Variants in MANBA observed in about 807,000 individuals in gnomAD.
MANBA encodes beta-mannosidase.
MANBA carries 83 observed loss-of-function variants against 111.1 expected under a neutral mutation model. The observed-to-expected ratio is 0.75, with a 90% CI of 0.63 to 0.90. The LOEUF is 0.90. Among genes scored for constraint, MANBA ranks in the 40% least tolerant of loss-of-function variants. The pLI is 0.00. For missense variants in MANBA, 1,036 were observed against 1,069.0 expected, an observed-to-expected ratio of 0.97 and a Z score of 0.43; for synonymous variants, 370 against 378.7, an observed-to-expected ratio of 0.98 and a Z score of 0.27.
intron 4 of MANBA, among the ~76,000 whole-genome samples, chr4:102,721,475 T>G (rs1316297400): frequency 6.6e-6 from 1 of 152,204 alleles, no homozygotes; most frequent in Non-Finnish European, 1.5e-5. Context: ...TACACCCATG[T>G]TCATAGCAGC....
Position 102,743,483 on chromosome 4 carries a change from T to C in MANBA, c.178-16800A>G, listed in dbSNP as rs78377789. Among the ~76,000 whole-genome samples the C allele has an allele frequency of 8.5e-3, 1,291 of 152,268 alleles. 23 individuals carry two copies. Among genetic ancestry groups the C allele is most frequent in the African/African-American group, 0.029 (1,223 of 41,550 alleles). ...CCTGCATATCGTGCAGAACCATCTATAAACCAGGCCCTAGTCTTCTCTTCC... is the reference window on the plus strand; with the variant it reads ...CCTGCATATCGTGCAGAACCATCTACAAACCAGGCCCTAGTCTTCTCTTCC... On this transcript the variant is annotated intron_variant, in intron 1 of 16. Transcript: ENST00000647097.
intron 1 of MANBA, among the ~76,000 whole-genome samples, chr4:102,732,430 C>T (rs1218770385): frequency 6.6e-6 from 1 of 152,210 alleles, no homozygotes; most frequent in Non-Finnish European, 1.5e-5. Flanking sequence ...GTCTAAGTTC[C>T]ACACAGGTAA....
Position 102,641,841 on chromosome 4 carries a change from A to G in MANBA, c.1870-1984T>C, listed in dbSNP as rs61638698. Among the ~76,000 whole-genome samples, 370 of 151,952 alleles carry G rather than the reference A, an allele frequency of 2.4e-3. 1 individual carries two copies. The highest frequency in any genetic ancestry group is 7.0e-3 in the African/African-American group (290 of 41,404). On this transcript the variant is annotated intron_variant, in intron 13 of 16. Coordinates refer to ENST00000647097, the MANE Select transcript of MANBA (RefSeq NM_005908.4). ...CAAAATTTGAAAAAATTTTAAATGC[A>G]AGTAGGATTCCTAACCCTCACTAGC...
chr4:102,734,434 T>C, intron 1 of MANBA: 6 of 1,608,100 alleles, frequency 3.7e-6, no homozygotes, highest in Non-Finnish European at 5.1e-6. Context: ...TGGTACGGAC[T>C]CTTCCTGGGA....
chr4:102,732,635 G>A (rs940740226), intron 1 of MANBA, among the ~76,000 whole-genome samples: 1 of 152,224 alleles, frequency 6.6e-6, no homozygotes, highest in South Asian at 2.1e-4. Flanking sequence ...AAAACAACAC[G>A]TAATCACCAA....
At chr4:102,658,044 A>G in intron 11 of MANBA, 144 bp from the exon 12 acceptor site, 1 of 687,654 alleles carries the variant, frequency 1.5e-6, no homozygotes, top group Non-Finnish European at 2.6e-6. Flanking sequence ...CTTCTTCCCT[A>G]TTCAACAACC....
chr4:102,655,510 T>C (rs953231447), intron 12 of MANBA, among the ~76,000 whole-genome samples: 1 of 152,210 alleles, frequency 6.6e-6, no homozygotes, highest in Admixed American at 6.5e-5. Context: ...CTAACTTTTA[T>C]GGTCAATTGA....
At chr4:102,668,655 G>C in intron 10 of MANBA, 1 of 350,222 alleles carries the variant, frequency 2.9e-6, no homozygotes, top group South Asian at 2.6e-5. Context: ...TATAAGTTTA[G>C]TTTGTACATG....
intron 5 of MANBA, among the ~76,000 whole-genome samples, chr4:102,692,367 T>C (rs1259928385): frequency 6.6e-6 from 1 of 152,168 alleles, no homozygotes; most frequent in Non-Finnish European, 1.5e-5. Flanking sequence ...TTTGGGGTTG[T>C]CAGAATGTTT....
At chr4:102,678,125 C>T (rs1731805231) in intron 7 of MANBA, among the ~76,000 whole-genome samples, 2 of 152,170 alleles carry the variant, frequency 1.3e-5, no homozygotes, top group Non-Finnish European at 2.9e-5. Flanking sequence ...AACTATACAA[C>T]ATAACACTTT....
rs71596357 is a variant in MANBA at position 102,653,220 on chromosome 4, G to GCA, written c.1705-2521_1705-2520dup. ...CACACGCGCATATGCAGATCTACAT[G>GCA]CACACACACACACACACACACACAC... On this transcript the variant is annotated intron_variant, in intron 12 of 16. Coordinates refer to ENST00000647097, the MANE Select transcript of MANBA (RefSeq NM_005908.4). 6.4e-3 allele frequency among the ~76,000 whole-genome samples: 929 copies of GCA among 145,556 alleles called. 9 individuals carry two copies. Among genetic ancestry groups the GCA allele is most frequent in the East Asian group, 0.013 (65 of 4,914 alleles).
At chr4:102,746,106 G>C (rs1000175796) in intron 1 of MANBA, among the ~76,000 whole-genome samples, 2 of 152,130 alleles carry the variant, frequency 1.3e-5, no homozygotes, top group African/African-American at 4.8e-5. Context: ...TGTTGGGGAG[G>C]GGATGTTGCC....
chr4:102,632,197 T>C lies in MANBA; in HGVS notation c.2500A>G (p.Ser834Gly), dbSNP rs368621281. Residue 834 changes from serine to glycine, a missense_variant, in exon 17 of 17, where the codon AGC becomes GGC. By Grantham distance (56) the Ser-to-Gly change is moderately conservative. Coordinates refer to ENST00000647097, the MANE Select transcript of MANBA (RefSeq NM_005908.4). ...VAPFVWLDVG[S>G]IPGRFSDNGF... ...TTGTCACTAAATCTCCCTGGGATGC[T>C]TCCTACATCCAACCAAACAAAGGGA... The C allele has an allele frequency of 1.2e-6, 2 of 1,613,288 alleles. No individual in the cohort carries two copies. Among genetic ancestry groups the C allele is most frequent in the African/African-American group, 1.3e-5 (1 of 74,914 alleles).
Position 102,689,568 on chromosome 4 carries a change from A to T in MANBA, c.960+6T>A, listed in dbSNP as rs1732382891. 3 of 1,479,166 alleles carry T rather than the reference A, an allele frequency of 2.0e-6. No homozygotes were observed. Among genetic ancestry groups the T allele is most frequent in the Non-Finnish European group, 2.8e-6 (3 of 1,061,518 alleles). The allele number at this position is 1,479,166 out of a possible 1,614,324, so 91.6% of individuals were successfully genotyped here. A position where few individuals can be genotyped will look rare whatever the true frequency, so the allele number is the denominator to read the frequency against. On this transcript the variant is annotated splice_donor_region_variant and intron_variant, in intron 7 of 16. Transcript: ENST00000647097. ...TTTCACAAAATATTTTAAATTACTT[A>T]CTTACCTTAGCTGATTTTTCAATAT... is the stretch of plus-strand genomic sequence containing the variant.
At chr4:102,756,797 TAAAAAA>T (rs35787338) in intron 1 of MANBA, among the ~76,000 whole-genome samples, 4 of 72,006 alleles carry the variant, frequency 5.6e-5, no homozygotes, top group African/African-American at 2.2e-4. Flanking sequence ...AGAGACTATC[TAAAAAA>T]AAAAAAAAAA....
rs572057034 is a variant in MANBA at position 102,674,410 on chromosome 4, G to GA, written c.961-341dup. Among the ~76,000 whole-genome samples, 3 of 152,126 alleles carry GA rather than the reference G, an allele frequency of 2.0e-5. No individual in the cohort carries two copies. In the South Asian group the frequency reaches 6.2e-4, roughly 32 times the overall value. On this transcript the variant is annotated intron_variant, in intron 7 of 16. Transcript: ENST00000647097. The stretch of plus-strand genomic sequence containing the variant: ...AAAAACATGCTATTTCAAAAAAATA[G>GA]AAAAAAATGCTGTCTTTGAAAAACA...
chr4:102,655,651 C>G (rs1170366399), intron 12 of MANBA, among the ~76,000 whole-genome samples: 4 of 152,078 alleles, frequency 2.6e-5, no homozygotes, highest in African/African-American at 4.8e-5. Flanking sequence ...AAAAATAACC[C>G]AAAATGATCA....
At chr4:102,700,709 C>T (rs528680857) in intron 5 of MANBA, among the ~76,000 whole-genome samples, 1 of 152,266 alleles carries the variant, frequency 6.6e-6, no homozygotes, top group East Asian at 1.9e-4. Flanking sequence ...TTTGATTGCG[C>T]TGTGGTCTGA....
chr4:102,696,386 A>G (rs1476404425), intron 5 of MANBA, among the ~76,000 whole-genome samples: 1 of 152,218 alleles, frequency 6.6e-6, no homozygotes, highest in African/African-American at 2.4e-5. Flanking sequence ...TTATGTGAGC[A>G]TTTGTGTCAA....
Sources: allele counts gnomAD v4.1 joint callset (sites outside exome capture counted in the v4.1 genomes callset), GRCh38; gene constraint gnomAD v4.1.1; transcripts MANE v1.5; gene names NCBI Gene and HGNC (gene_info 2026-07-23, HGNC 2026-07-21).